VWC2L: variants seen among roughly 807,000 people sequenced by gnomAD.
VWC2L encodes the protein von Willebrand factor C domain-containing protein 2-like.
A neutral mutation model predicts 21.6 loss-of-function variants in VWC2L; 10 were observed. The observed-to-expected ratio is 0.46, with a 90% CI of 0.29 to 0.78. The LOEUF is 0.78. Ranked by LOEUF, VWC2L falls within the 30% of genes least tolerant of loss-of-function variation. The pLI, the probability that VWC2L is intolerant of heterozygous loss-of-function variation, is 0.10. For missense variants in VWC2L, 209 were observed against 277.1 expected (o/e 0.75, Z 1.74); for synonymous variants, 96 against 94.3 (o/e 1.02, Z -0.10).
At position 214,478,356 on chromosome 2, in the gene VWC2L, G is replaced by A. The variant is rs531847717; in HGVS notation, c.520+41598G>A. On this transcript the variant is annotated intron_variant, in intron 3 of 3. Coordinates refer to ENST00000312504, the MANE Select transcript of VWC2L (RefSeq NM_001080500.4). ...TAGCTGGGCGTGGTGGCAGGCACAT[G>A]TAATCCCAGCTACTCAGGAGGCTGA... Among the ~76,000 whole-genome samples the A allele has an allele frequency of 7.2e-5, 11 of 152,096 alleles. No individual in the cohort carries two copies. In the South Asian group the frequency reaches 2.1e-3, roughly 29 times the overall value.
At chr2:214,501,721 C>CAAAAAAAAAAA (rs776608301) in intron 3 of VWC2L, among the ~76,000 whole-genome samples, 1 of 79,108 alleles carries the variant, frequency 1.3e-5, no homozygotes, top group African/African-American at 4.9e-5. Context: ...GACTCTGTCT[C>CAAAAAAAAAAA]AAAAAAAAAA....
intron 3 of VWC2L, among the ~76,000 whole-genome samples, chr2:214,481,446 T>C (rs1249092791): frequency 6.6e-6 from 1 of 152,202 alleles, no homozygotes; most frequent in Non-Finnish European, 1.5e-5. Context: ...TAGATGTTCT[T>C]GAAATCTGAG....
intron 3 of VWC2L, among the ~76,000 whole-genome samples, chr2:214,511,025 A>C (rs950027173): frequency 6.6e-6 from 1 of 152,186 alleles, no homozygotes; most frequent in Non-Finnish European, 1.5e-5. Context: ...GGTGCCTCAC[A>C]CCTGAAATCC....
At chr2:214,525,588 T>C (rs1353804723) in intron 3 of VWC2L, among the ~76,000 whole-genome samples, 2 of 152,170 alleles carry the variant, frequency 1.3e-5, no homozygotes, top group Non-Finnish European at 2.9e-5. Context: ...CCCCCTGGAA[T>C]TGCCTCTTCT....
At chr2:214,496,219 T>C (rs934905177) in intron 3 of VWC2L, among the ~76,000 whole-genome samples, 16 of 98,528 alleles carry the variant, frequency 1.6e-4, no homozygotes, top group African/African-American at 5.4e-4. Flanking sequence ...ATAGATAAAG[T>C]ACAATCAAAA....
chr2:214,485,523 A>G (rs983830123), intron 3 of VWC2L, among the ~76,000 whole-genome samples: 1 of 152,176 alleles, frequency 6.6e-6, no homozygotes, highest in African/African-American at 2.4e-5. Flanking sequence ...TCTTCTTCAT[A>G]GATTGGCCGA....
chr2:214,566,018 G>A lies in VWC2L; in HGVS notation c.521-9654G>A, dbSNP rs149850401. ...CTCAGCTGTAAAATGGGTGTTACAG[G>A]AACGATACAACCTACTTTTAGGATT... On this transcript the variant is annotated intron_variant, in intron 3 of 3. Coordinates refer to ENST00000312504, the MANE Select transcript of VWC2L (RefSeq NM_001080500.4). Among the ~76,000 whole-genome samples, 778 of 152,220 alleles carry A rather than the reference G, an allele frequency of 5.1e-3. 9 individuals carry two copies. The highest frequency in any genetic ancestry group is 6.2e-3 in the Non-Finnish European group (421 of 68,004).
intron 3 of VWC2L, among the ~76,000 whole-genome samples, chr2:214,506,059 TCAA>T (rs1236205200): frequency 1.3e-5 from 2 of 152,162 alleles, no homozygotes; most frequent in African/African-American, 2.4e-5. Context: ...ATTAATTCTA[TCAA>T]CAACAACAAG....
chr2:214,507,485 CTA>C lies in VWC2L; in HGVS notation c.521-68186_521-68185del, dbSNP rs137905044. On this transcript the variant is annotated intron_variant, in intron 3 of 3. Transcript: ENST00000312504. The stretch of plus-strand genomic sequence containing the variant: ...GTAAACGGGAATAACGCTCTCCTGA[CTA>C]GAGCTACAGGGAAAGTTGCCAGAGG... Among the ~76,000 whole-genome samples, 853 of 152,310 alleles carry C rather than the reference CTA, an allele frequency of 5.6e-3. 11 individuals carry two copies. Among genetic ancestry groups the C allele is most frequent in the African/African-American group, 0.019 (788 of 41,568 alleles).
chr2:214,461,070 T>G (rs1339228744), intron 3 of VWC2L, among the ~76,000 whole-genome samples: 1 of 152,158 alleles, frequency 6.6e-6, no homozygotes, highest in African/African-American at 2.4e-5. Flanking sequence ...TGGGCTGCAG[T>G]TATTAGTGGA....
intron 3 of VWC2L, among the ~76,000 whole-genome samples, chr2:214,519,254 T>C (rs1026325463): frequency 2.6e-5 from 4 of 152,104 alleles, no homozygotes; most frequent in Non-Finnish European, 5.9e-5. Context: ...ACTGCTGCTC[T>C]TTCACCCACC....
chr2:214,532,122 A>C (rs1254021557), intron 3 of VWC2L, among the ~76,000 whole-genome samples: 1 of 152,162 alleles, frequency 6.6e-6, no homozygotes, highest in Non-Finnish European at 1.5e-5. Flanking sequence ...CCTAGGCCAG[A>C]GACTGAAAAA....
intron 3 of VWC2L, among the ~76,000 whole-genome samples, chr2:214,493,750 G>A (rs1688775303): frequency 6.6e-6 from 1 of 152,178 alleles, no homozygotes; most frequent in African/African-American, 2.4e-5. Flanking sequence ...TAAGGTACTG[G>A]GGAGGCAGAG....
chr2:214,412,937 CT>C (rs1326871444), intron 1 of VWC2L, among the ~76,000 whole-genome samples: 3 of 151,988 alleles, frequency 2.0e-5, no homozygotes, highest in Non-Finnish European at 4.4e-5. Context: ...TTTGACAATA[CT>C]TTTTCTTATT....
At chr2:214,537,096 T>C (rs917079850) in intron 3 of VWC2L, among the ~76,000 whole-genome samples, 1 of 151,884 alleles carries the variant, frequency 6.6e-6, no homozygotes, top group African/African-American at 2.4e-5. Flanking sequence ...CATCCCTCTC[T>C]CCCATAATCT....
intron 2 of VWC2L, among the ~76,000 whole-genome samples, chr2:214,419,952 G>A (rs573997062): frequency 6.6e-6 from 1 of 152,182 alleles, no homozygotes; most frequent in East Asian, 1.9e-4. Flanking sequence ...CCAGCTACTC[G>A]GGAGGCTGAG....
intron 3 of VWC2L, among the ~76,000 whole-genome samples, chr2:214,552,390 T>TC (rs1010689897): frequency 6.6e-6 from 1 of 152,114 alleles, no homozygotes; most frequent in Non-Finnish European, 1.5e-5. Flanking sequence ...GCTTTTTTTT[T>TC]CCCCACATCT....
At chr2:214,432,114 C>T (rs191320391) in intron 2 of VWC2L, among the ~76,000 whole-genome samples, 117 of 152,230 alleles carry the variant, frequency 7.7e-4, no homozygotes, top group African/African-American at 2.7e-3. Flanking sequence ...ATCATTTTCA[C>T]GCATAATGAA....
intron 3 of VWC2L, among the ~76,000 whole-genome samples, chr2:214,454,476 GT>G (rs536544758): frequency 3.0e-3 from 420 of 138,178 alleles, no homozygotes; most frequent in African/African-American, 0.01. Flanking sequence ...TTTTGTGTGG[GT>G]TTTTTTTTTT....
Sources: gnomAD v4.1 joint callset for allele counts (sites outside exome capture counted in the v4.1 genomes callset) on GRCh38, gnomAD v4.1.1 for gene constraint, MANE v1.5 for transcripts, NCBI Gene and HGNC (gene_info 2026-07-23, HGNC 2026-07-21) for gene names.